The following CERT1 variants were observed in gnomAD, a reference collection of about 807,000 sequenced individuals.
The protein encoded by CERT1 is ceramide transfer protein.
Under a neutral mutation model 87.9 loss-of-function variants are expected in CERT1, and 31 were observed. The observed-to-expected ratio is 0.35, with a 90% CI of 0.27 to 0.48. The LOEUF is 0.48. CERT1 is among the 20% of genes least tolerant of loss of function. The probability of loss-of-function intolerance (pLI) is 0.99; values close to 1 mark genes in which losing one functional copy is unlikely to be tolerated. For synonymous variants in CERT1, 289 were observed against 250.9 expected, an observed-to-expected ratio of 1.15 and a Z score of -1.44; for missense variants, 487 against 758.0, an observed-to-expected ratio of 0.64 and a Z score of 4.20.
intron 7 of CERT1, among the ~76,000 whole-genome samples, chr5:75,412,797 GGTGA>G (rs1019765703): frequency 1.1e-4 from 16 of 152,200 alleles, no homozygotes; most frequent in East Asian, 1.9e-4. Context: ...AGTTCCTCAG[GGTGA>G]GTGAGTGAGT....
intron 8 of CERT1, among the ~76,000 whole-genome samples, chr5:75,409,452 C>T (rs546673258): frequency 1.0e-3 from 159 of 152,318 alleles, no homozygotes; most frequent in South Asian, 2.3e-3. Flanking sequence ...AATATAACTA[C>T]AACTATTTTA....
intron 12 of CERT1, among the ~76,000 whole-genome samples, chr5:75,388,626 A>ATATATATATC (rs1554034727): frequency 9.1e-5 from 8 of 88,234 alleles, no homozygotes; most frequent in African/African-American, 4.6e-4. Context: ...ATATATATAT[A>ATATATATATC]TATATATATA....
At chr5:75,406,542 C>CTTT (rs869232885) in intron 8 of CERT1, among the ~76,000 whole-genome samples, 6 of 139,426 alleles carry the variant, frequency 4.3e-5, no homozygotes, top group South Asian at 4.5e-4. Context: ...TATGGTAAGT[C>CTTT]TTTTTTTTTT....
intron 2 of CERT1, among the ~76,000 whole-genome samples, chr5:75,504,013 T>C (rs1169634891): frequency 7.0e-6 from 1 of 142,724 alleles, no homozygotes; most frequent in African/African-American, 2.6e-5. Context: ...AGCATGGTAC[T>C]CTAGGAATAC....
intron 3 of CERT1, among the ~76,000 whole-genome samples, chr5:75,442,981 C>T (rs1186264930): frequency 6.6e-6 from 1 of 152,066 alleles, no homozygotes; most frequent in Admixed American, 6.5e-5. Context: ...ACATATAGAG[C>T]TCAGTACCAT....
At chr5:75,472,837 A>C (rs543687673) in intron 2 of CERT1, among the ~76,000 whole-genome samples, 25 of 152,306 alleles carry the variant, frequency 1.6e-4, no homozygotes, top group African/African-American at 6.0e-4. Context: ...AGAGCCACTA[A>C]AGAAAACACC....
At chr5:75,426,334 T>A (rs1561254210) in intron 4 of CERT1, 37 bp downstream of exon 4, 3 of 1,408,706 alleles carry the variant, frequency 2.1e-6, no homozygotes, top group Middle Eastern at 1.8e-4. Context: ...AAACTCAATT[T>A]ATGTTGTTTA....
chr5:75,415,690 G>A (rs1387836561), intron 7 of CERT1, among the ~76,000 whole-genome samples: 5 of 152,108 alleles, frequency 3.3e-5, no homozygotes, highest in African/African-American at 1.2e-4. Flanking sequence ...AAATAAGCTA[G>A]TCTGGACTAG....
chr5:75,511,829 T>G (rs533354077), upstream of CERT1: 1 of 1,550,818 alleles, frequency 6.4e-7, no homozygotes, highest in East Asian at 2.4e-5. Flanking sequence ...GGGGTAGGGA[T>G]GCAGCTGTGC....
In CERT1 at chr5:75,381,094, G is replaced by A; in HGVS notation, c.1725C>T (p.Cys575=). 1.2e-6 allele frequency: 2 copies of A among 1,614,002 alleles called. 1 individual carries two copies. The highest frequency in any genetic ancestry group is 1.7e-6 in the Non-Finnish European group (2 of 1,179,938). ...TACCATTAGCTACATATGTAATCTT[G>A]CATAGAATGTTGTCCCTGCTAATTT... The part of the protein sequence containing the change: ...NQEISRDNIL[C]KITYVANVNP... The change falls in exon 16 of 17, where the codon TGC becomes TGT. Residue 575 remains cysteine (C), a synonymous_variant. Transcript: ENST00000643780.
intron 2 of CERT1, among the ~76,000 whole-genome samples, chr5:75,482,995 A>T (rs1766326811): frequency 6.6e-6 from 1 of 151,906 alleles, no homozygotes; most frequent in South Asian, 2.1e-4. Flanking sequence ...GAACATCCAT[A>T]GCATTAAGAA....
chr5:75,494,279 T>A (rs1766953515), intron 2 of CERT1, among the ~76,000 whole-genome samples: 1 of 152,204 alleles, frequency 6.6e-6, no homozygotes, highest in Non-Finnish European at 1.5e-5. Flanking sequence ...TATATTGTTA[T>A]CTTTAGGTCA....
intron 8 of CERT1, among the ~76,000 whole-genome samples, chr5:75,404,691 G>C (rs1762635115): frequency 6.6e-6 from 1 of 152,132 alleles, no homozygotes; most frequent in South Asian, 2.1e-4. Flanking sequence ...CAGAGCCTCA[G>C]GAGTCTAATT....
intron 4 of CERT1, 132 bp from the exon 5 acceptor site, chr5:75,425,631 G>A: frequency 1.3e-6 from 1 of 752,282 alleles, no homozygotes. Context: ...GAGCTGTCTA[G>A]TTCAATATAA....
chr5:75,486,872 T>G (rs1295612105), intron 2 of CERT1, among the ~76,000 whole-genome samples: 1 of 152,094 alleles, frequency 6.6e-6, no homozygotes, highest in Non-Finnish European at 1.5e-5. Flanking sequence ...ATTCATGGAC[T>G]GGAAGAATCA....
chr5:75,406,521 G>A (rs1200941548), intron 8 of CERT1, among the ~76,000 whole-genome samples: 1 of 151,216 alleles, frequency 6.6e-6, no homozygotes, highest in Non-Finnish European at 1.5e-5. Flanking sequence ...GCCTAGTGTA[G>A]TGCCCTACAT....
intron 11 of CERT1, among the ~76,000 whole-genome samples, chr5:75,397,742 CG>C (rs1762313508): frequency 6.6e-6 from 1 of 152,092 alleles, no homozygotes; most frequent in African/African-American, 2.4e-5. Flanking sequence ...TACGCAGGGC[CG>C]GGCATGGTGG....
At chr5:75,386,422 T>C (rs1417988229) in intron 12 of CERT1, among the ~76,000 whole-genome samples, 1 of 152,170 alleles carries the variant, frequency 6.6e-6, no homozygotes, top group Non-Finnish European at 1.5e-5. Context: ...CAATGCTGTA[T>C]CCCCAACAGC....
intron 3 of CERT1, among the ~76,000 whole-genome samples, chr5:75,453,163 G>T (rs760280939): frequency 6.6e-6 from 1 of 152,064 alleles, no homozygotes; most frequent in East Asian, 1.9e-4. Context: ...GCCAAGGAGG[G>T]CAAAAACAGT....
Sources: gnomAD v4.1 joint callset for allele counts (sites outside exome capture counted in the v4.1 genomes callset) on GRCh38, gnomAD v4.1.1 for gene constraint, MANE v1.5 for transcripts, NCBI Gene and HGNC (gene_info 2026-07-23, HGNC 2026-07-21) for gene names.